The following ADAM22 variants were observed in gnomAD, a reference collection of about 807,000 sequenced individuals.
ADAM22 encodes the protein disintegrin and metalloproteinase domain-containing protein 22.
ADAM22 carries 65 observed loss-of-function variants against 144.6 expected under a neutral mutation model. The ratio of observed to expected loss-of-function variants is 0.45; its 90% confidence interval spans 0.37 to 0.55. The LOEUF (loss-of-function observed/expected upper bound fraction) is 0.55, where lower values mean the gene tolerates loss of function less well. Among genes scored for constraint, ADAM22 ranks in the 20% least tolerant of loss-of-function variants. The pLI is 0.00. For synonymous variants in ADAM22, 391 were observed against 412.6 expected, an observed-to-expected ratio of 0.95 and a Z score of 0.63; for missense variants, 974 against 1,184.9, an observed-to-expected ratio of 0.82 and a Z score of 2.61.
chr7:87,997,949 C>T (rs745628726), intron 3 of ADAM22, among the ~76,000 whole-genome samples: 11 of 152,198 alleles, frequency 7.2e-5, no homozygotes, highest in South Asian at 2.1e-4. Context: ...GTGCCAGTCC[C>T]AAAACCTCAA....
At chr7:88,151,424 G>A (rs567029113) in intron 20 of ADAM22, 104 bp downstream of exon 20, 2 of 1,311,910 alleles carry the variant, frequency 1.5e-6, no homozygotes, top group Non-Finnish European at 2.2e-6. Context: ...TATGACTGGG[G>A]GATTCTCAAA....
At chr7:88,021,917 G>C (rs1797910067) in intron 3 of ADAM22, among the ~76,000 whole-genome samples, 1 of 151,568 alleles carries the variant, frequency 6.6e-6, no homozygotes, top group African/African-American at 2.4e-5. Context: ...CTGTCGCTCA[G>C]GCTGGGGTGC....
At position 87,978,334 on chromosome 7, in the gene ADAM22, A is replaced by G; in HGVS notation, c.247-2A>G. 1.2e-6 allele frequency: 2 copies of G among 1,611,496 alleles called. No homozygotes were observed. The highest frequency in any genetic ancestry group is 1.7e-6 in the Non-Finnish European group (2 of 1,178,626). On this transcript the variant is annotated splice_acceptor_variant, in intron 2 of 31. Transcript: ENST00000413139. LOFTEE classifies it high-confidence loss of function. ...TAACCTTTTTTCTTTTTGATATTGT[A>G]GTTGACTCATGTTGACCAAGCAAGC...
At chr7:88,082,837 A>T (rs1361613180) in intron 4 of ADAM22, among the ~76,000 whole-genome samples, 2 of 152,238 alleles carry the variant, frequency 1.3e-5, no homozygotes, top group East Asian at 3.9e-4. Flanking sequence ...GTCAGGAAAC[A>T]ACAGGTGCTG....
chr7:87,999,214 T>C (rs1397004854), intron 3 of ADAM22, among the ~76,000 whole-genome samples: 2 of 152,210 alleles, frequency 1.3e-5, no homozygotes, highest in Non-Finnish European at 2.9e-5. Flanking sequence ...GACAGACTCA[T>C]TATTTTAAAG....
At chr7:88,070,504 G>C (rs78156900) in intron 3 of ADAM22, among the ~76,000 whole-genome samples, 5 of 152,284 alleles carry the variant, frequency 3.3e-5, no homozygotes, top group Non-Finnish European at 7.4e-5. Flanking sequence ...TTTGCTCTGA[G>C]GCTGTTTCTT....
chr7:88,036,705 A>G (rs191524073), intron 3 of ADAM22, among the ~76,000 whole-genome samples: 186 of 152,208 alleles, frequency 1.2e-3, no homozygotes, highest in African/African-American at 4.3e-3. Context: ...AGTCTGTGAG[A>G]AAGTTGTGAA....
At chr7:88,192,097 C>T (rs1849747779) in intron 30 of ADAM22, among the ~76,000 whole-genome samples, 2 of 152,268 alleles carry the variant, frequency 1.3e-5, no homozygotes, top group Non-Finnish European at 2.9e-5. Flanking sequence ...CCCCGCCCCT[C>T]CCACTAACAT....
intron 2 of ADAM22, 33 bp downstream of exon 2, chr7:87,935,219 C>T (rs754220518): frequency 3.9e-6 from 6 of 1,535,168 alleles, no homozygotes; most frequent in Non-Finnish European, 5.3e-6. Flanking sequence ...TGGTCCTCCG[C>T]GCCTCCCGGC....
intron 3 of ADAM22, among the ~76,000 whole-genome samples, chr7:88,047,746 G>A (rs990459429): frequency 3.9e-5 from 6 of 151,962 alleles, no homozygotes; most frequent in South Asian, 2.1e-4. Flanking sequence ...TCAAATTTCC[G>A]TTGTTATTTA....
At chr7:88,175,745 A>G (rs944435269) in intron 26 of ADAM22, among the ~76,000 whole-genome samples, 2 of 152,212 alleles carry the variant, frequency 1.3e-5, no homozygotes, top group Admixed American at 1.3e-4. Flanking sequence ...AGAAAGCCGT[A>G]AAGATAATAA....
chr7:87,976,952 G>T (rs1281644629), intron 2 of ADAM22, among the ~76,000 whole-genome samples: 1 of 151,884 alleles, frequency 6.6e-6, no homozygotes, highest in Non-Finnish European at 1.5e-5. Context: ...AAGATCGGGG[G>T]ATATGATGTA....
At chr7:88,191,554 C>T (rs188399556) in intron 30 of ADAM22, among the ~76,000 whole-genome samples, 1 of 152,218 alleles carries the variant, frequency 6.6e-6, no homozygotes, top group Admixed American at 6.5e-5. Flanking sequence ...AGAAGTTTGC[C>T]ATTATCTTAC....
In ADAM22 at chr7:88,061,653, T is replaced by C. The variant is rs367664748; in HGVS notation, c.324-13973T>C. On this transcript the variant is annotated intron_variant, in intron 3 of 31. Coordinates refer to ENST00000413139, the MANE Select transcript of ADAM22 (RefSeq NM_001324418.2). Reference sequence around the variant, plus strand: ...GGCTGAAAATATTCAGTAAACCACATTGTCAAAAGATATGCTGTCATCCAG... The same window carrying C: ...GGCTGAAAATATTCAGTAAACCACACTGTCAAAAGATATGCTGTCATCCAG... Among the ~76,000 whole-genome samples, 7 of 152,156 alleles carry C rather than the reference T, an allele frequency of 4.6e-5. No individual in the cohort carries two copies. In the East Asian group the frequency reaches 7.7e-4, roughly 17 times the overall value.
intron 3 of ADAM22, among the ~76,000 whole-genome samples, chr7:88,002,231 G>A (rs770496043): frequency 6.6e-6 from 1 of 152,150 alleles, no homozygotes; most frequent in Non-Finnish European, 1.5e-5. Flanking sequence ...AGCTCAATGT[G>A]TCTGGCTAGG....
intron 2 of ADAM22, among the ~76,000 whole-genome samples, chr7:87,937,659 G>A (rs1841556836): frequency 6.6e-6 from 1 of 152,146 alleles, no homozygotes; most frequent in Non-Finnish European, 1.5e-5. Flanking sequence ...ATTCACAGGA[G>A]TCTTGACTTG....
At chr7:87,942,068 T>A (rs1464911676) in intron 2 of ADAM22, among the ~76,000 whole-genome samples, 1 of 152,008 alleles carries the variant, frequency 6.6e-6, no homozygotes, top group African/African-American at 2.4e-5. Context: ...GCCATATTTA[T>A]CATTAAGTAG....
intron 3 of ADAM22, among the ~76,000 whole-genome samples, chr7:88,068,370 A>C (rs183868838): frequency 2.0e-5 from 3 of 152,264 alleles, no homozygotes; most frequent in Admixed American, 2.0e-4. Flanking sequence ...AGAGGTTTTC[A>C]TAGTTTAAAG....
intron 3 of ADAM22, among the ~76,000 whole-genome samples, chr7:88,017,839 A>G (rs770586232): frequency 7.4e-5 from 11 of 149,380 alleles, no homozygotes; most frequent in Non-Finnish European, 1.5e-4. Context: ...ATACATACAT[A>G]TATATACATA....
Sources: allele counts gnomAD v4.1 joint callset (sites outside exome capture counted in the v4.1 genomes callset), GRCh38; gene constraint gnomAD v4.1.1; transcripts MANE v1.5; gene names NCBI Gene and HGNC (gene_info 2026-07-23, HGNC 2026-07-21).